Variants in ANKRD60 observed in about 807,000 individuals in gnomAD.
ANKRD60 encodes ankyrin repeat domain 60.
In ANKRD60, 24 loss-of-function variants were observed where a neutral mutation model predicts 21.3. That is an observed-to-expected ratio of 1.13 (90% CI 0.82 to 1.59). ANKRD60 has a LOEUF of 1.59. ANKRD60 is among the 40% of genes most tolerant of loss of function. The pLI is 0.00. For synonymous variants in ANKRD60, 182 were observed against 199.4 expected (o/e 0.91, Z 0.74); for missense variants, 490 against 466.7 (o/e 1.05, Z -0.46).
chr20:58,226,325 G>T (rs1984362959), intron 1 of ANKRD60, among the ~76,000 whole-genome samples: 1 of 152,048 alleles, frequency 6.6e-6, no homozygotes, highest in Non-Finnish European at 1.5e-5. Flanking sequence ...ACTTGTTTTG[G>T]GATGTGGGGA....
chr20:58,220,321 G>A (rs1405938700), intron 3 of ANKRD60, among the ~76,000 whole-genome samples: 2 of 152,134 alleles, frequency 1.3e-5, no homozygotes, highest in Middle Eastern at 3.2e-3. Context: ...GTTCTCCATT[G>A]TTCTCCACTC....
At position 58,228,623 on chromosome 20, in the gene ANKRD60, G is replaced by A; in HGVS notation, c.31C>T (p.Arg11Trp). The change falls in exon 1 of 4, where the codon CGG becomes TGG. Residue 11 changes from arginine to tryptophan, a missense_variant. By Grantham distance (101) the Arg-to-Trp change is moderately radical. Coordinates refer to ENST00000457363, the Ensembl canonical transcript of ANKRD60. This position sits in a 1 kb window ranked among gnomAD's most constrained non-coding sequence, Gnocchi z 5.3. ...GCTCCGCCCGCCCCCGCCGCCGCCCGCCGCATCCCCCAGGCGCGGCCGCGC... is the reference window on the plus strand; with the variant it reads ...GCTCCGCCCGCCCCCGCCGCCGCCCACCGCATCCCCCAGGCGCGGCCGCGC... 1 of 940,386 alleles carries A rather than the reference G, an allele frequency of 1.1e-6. No homozygotes were observed. Among genetic ancestry groups the A allele is most frequent in the Non-Finnish European group, 1.3e-6 (1 of 789,684 alleles). The allele number at this position is 940,386 out of a possible 1,614,324, so 58.3% of individuals were successfully genotyped here.
chr20:58,221,254 G>A, intron 3 of ANKRD60, 84 bp downstream of exon 3: 1 of 1,404,070 alleles, frequency 7.1e-7, no homozygotes, highest in Non-Finnish European at 9.6e-7. Context: ...ACTGCTGGAA[G>A]GACTGGGAAC....
At chr20:58,224,922 A>G (rs923933686) in intron 1 of ANKRD60, among the ~76,000 whole-genome samples, 7 of 152,322 alleles carry the variant, frequency 4.6e-5, no homozygotes, top group Non-Finnish European at 8.8e-5. Context: ...ACCCTGGCCC[A>G]TGGATTTGCT....
At chr20:58,225,662 C>T (rs1217687473) in intron 1 of ANKRD60, among the ~76,000 whole-genome samples, 1 of 152,202 alleles carries the variant, frequency 6.6e-6, no homozygotes, top group Non-Finnish European at 1.5e-5. Flanking sequence ...GCACCAAGCC[C>T]GTGGAGGCAG....
chr20:58,218,507 C>T, exon 4 of ANKRD60: 1 of 1,550,754 alleles, frequency 6.4e-7, no homozygotes, highest in Non-Finnish European at 8.7e-7. Context: ...AATGAGGGGT[C>T]ATCGTCATCT....
rs944031052 is a variant in ANKRD60, at chr20:58,223,198, T to A, written c.431-16A>T. The A allele has an allele frequency of 3.9e-6, 6 of 1,533,380 alleles. No homozygotes were observed. The highest frequency in any genetic ancestry group is 2.8e-5 in the African/African-American group (2 of 71,760). The allele number at this position is 1,533,380 out of a possible 1,614,324, so 95.0% of individuals were successfully genotyped here. On this transcript the variant is annotated splice_polypyrimidine_tract_variant and intron_variant, in intron 1 of 3. Coordinates refer to ENST00000457363, the Ensembl canonical transcript of ANKRD60. Reference sequence around the variant, plus strand: ...ATCAAAACTCCTGCAGGGAAAAATTTTTTTTCTTTTAAAAAATTGGGTATT... The same window carrying A: ...ATCAAAACTCCTGCAGGGAAAAATTATTTTTCTTTTAAAAAATTGGGTATT...
chr20:58,216,641 T>G (rs1027941184), downstream of ANKRD60, among the ~76,000 whole-genome samples: 3 of 152,326 alleles, frequency 2.0e-5, no homozygotes, highest in Non-Finnish European at 4.4e-5. Flanking sequence ...TCTAACAGAG[T>G]GCTGAGCTGG....
intron 3 of ANKRD60, among the ~76,000 whole-genome samples, chr20:58,219,229 G>A (rs565490816): frequency 4.6e-5 from 7 of 152,122 alleles, no homozygotes; most frequent in Admixed American, 4.6e-4. Flanking sequence ...TTTTATTCTG[G>A]GCTAAATCTG....
chr20:58,218,334 C>A (rs1182305913), downstream of ANKRD60, among the ~76,000 whole-genome samples: 1 of 152,224 alleles, frequency 6.6e-6, no homozygotes, highest in Non-Finnish European at 1.5e-5. Flanking sequence ...CTGCCATCAA[C>A]ACCCTCCAGA....
At chr20:58,224,809 A>C (rs1313603336) in intron 1 of ANKRD60, among the ~76,000 whole-genome samples, 2 of 152,202 alleles carry the variant, frequency 1.3e-5, no homozygotes, top group Non-Finnish European at 2.9e-5. Flanking sequence ...ATCGGAGTAC[A>C]TTCTCTTTTT....
intron 1 of ANKRD60, among the ~76,000 whole-genome samples, chr20:58,226,778 C>T (rs1984371591): frequency 6.6e-6 from 1 of 152,028 alleles, no homozygotes; most frequent in South Asian, 2.1e-4. Context: ...ATGGTGAGCT[C>T]GGTGACTGCC....
At chr20:58,217,871 C>A (rs144023694), downstream of ANKRD60, among the ~76,000 whole-genome samples, 1 of 152,150 alleles carries the variant, frequency 6.6e-6, no homozygotes, top group African/African-American at 2.4e-5. Context: ...CTGTTTCCTC[C>A]CCATCTAGCA....
chr20:58,221,519 G>A lies in ANKRD60; in HGVS notation c.562-16C>T. ...GACAAGATAGCTGGGCAAGACAAGA[G>A]GAGTTTGAGTTATTCTCAAAAGCGT... is the stretch of plus-strand genomic sequence containing the variant. On this transcript the variant is annotated splice_polypyrimidine_tract_variant and intron_variant, in intron 2 of 3. Coordinates refer to ENST00000457363, the Ensembl canonical transcript of ANKRD60. 2 of 1,550,630 alleles carry A rather than the reference G, an allele frequency of 1.3e-6. No individual in the cohort carries two copies. Among genetic ancestry groups the A allele is most frequent in the Non-Finnish European group, 1.7e-6 (2 of 1,146,298 alleles).
chr20:58,225,424 A>G (rs976087074), intron 1 of ANKRD60, among the ~76,000 whole-genome samples: 11 of 152,350 alleles, frequency 7.2e-5, no homozygotes, highest in Non-Finnish European at 1.2e-4. Flanking sequence ...TAAAGCCTCA[A>G]AAATGCTCGA....
chr20:58,220,461 G>C (rs925209115), intron 3 of ANKRD60, among the ~76,000 whole-genome samples: 2 of 149,260 alleles, frequency 1.3e-5, no homozygotes, highest in African/African-American at 5.0e-5. Context: ...TGTTGGCTAA[G>C]GCTTCTGTTT....
rs35498962 is a variant in ANKRD60, at chr20:58,227,222, G to C, written c.430+1002C>G. ...GTTTTGGGGTCCTAAACTGGACAGA[G>C]TTTGTTTCAGCTTTGACCTCTTTGC... On this transcript the variant is annotated intron_variant, in intron 1 of 3. Transcript: ENST00000457363. 2.0e-5 allele frequency among the ~76,000 whole-genome samples: 3 copies of C among 152,084 alleles called. No homozygotes were observed. In the South Asian group the frequency reaches 6.2e-4, roughly 32 times the overall value.
At chr20:58,226,352 G>A (rs886798353) in intron 1 of ANKRD60, among the ~76,000 whole-genome samples, 1 of 152,122 alleles carries the variant, frequency 6.6e-6, no homozygotes, top group Non-Finnish European at 1.5e-5. Flanking sequence ...GTAGCCCCGA[G>A]TAGTGTAGCA....
Position 58,226,823 on chromosome 20 carries a change from G to A in ANKRD60, c.430+1401C>T, listed in dbSNP as rs370458776. 3.3e-5 allele frequency among the ~76,000 whole-genome samples: 5 copies of A among 152,232 alleles called. No homozygotes were observed. The East Asian group carries it at 7.7e-4, about 24-fold the overall frequency. ...TGAGCAGAGTTAGCTTTGAATTTTG[G>A]GGTCCATATGTGGGCAGGGTTCATT... On this transcript the variant is annotated intron_variant, in intron 1 of 3. Coordinates refer to ENST00000457363, the Ensembl canonical transcript of ANKRD60.
Sources: gnomAD v4.1 joint callset for allele counts (sites outside exome capture counted in the v4.1 genomes callset) on GRCh38, gnomAD v4.1.1 for gene constraint, Gnocchi (gnomAD v3.1) non-coding constraint, MANE v1.5 for transcripts, NCBI Gene and HGNC (gene_info 2026-07-23, HGNC 2026-07-21) for gene names.